The following RCAN3 variants were observed in gnomAD, a reference collection of about 807,000 sequenced individuals.
RCAN3 encodes the protein regulator of calcineurin 3.
A neutral mutation model predicts 21.9 loss-of-function variants in RCAN3; 19 were observed. The observed-to-expected ratio is 0.87, with a 90% CI of 0.61 to 1.27. The LOEUF is 1.27. RCAN3 is among the 50% of genes most tolerant of loss of function. The pLI, the probability that RCAN3 is intolerant of heterozygous loss-of-function variation, is 0.00. For missense variants in RCAN3, 240 were observed against 300.1 expected, an observed-to-expected ratio of 0.80 and a Z score of 1.48; for synonymous variants, 114 against 112.3, an observed-to-expected ratio of 1.01 and a Z score of -0.09.
At chr1:24,505,450 G>C (rs1647370213) in intron 1 of RCAN3, among the ~76,000 whole-genome samples, 1 of 151,586 alleles carries the variant, frequency 6.6e-6, no homozygotes, top group South Asian at 2.1e-4. Context: ...CTCGAACTCT[G>C]GAGCTCTGGC....
intron 2 of RCAN3, among the ~76,000 whole-genome samples, chr1:24,520,731 T>C (rs1042016480): frequency 2.0e-5 from 3 of 151,756 alleles, no homozygotes; most frequent in Non-Finnish European, 4.4e-5. Flanking sequence ...TACCTAATGC[T>C]AAATGACGAG....
In RCAN3 at chr1:24,535,280, C is replaced by G. The variant is rs777362864; in HGVS notation, c.*3C>G. The G allele has an allele frequency of 1.3e-6, 2 of 1,531,056 alleles. No individual in the cohort carries two copies. The highest frequency in any genetic ancestry group is 4.7e-5 in the Admixed American group (2 of 42,620). The allele number at this position is 1,531,056 out of a possible 1,614,324, so 94.8% of individuals were successfully genotyped here. A position where few individuals can be genotyped will look rare whatever the true frequency, so the allele number is the denominator to read the frequency against. ...AGACCTTTGATTGCGCGCTGTGAGG[C>G]CCTTGGTTGTGGTGCGAGGCGGCTG... On this transcript the variant is annotated 3_prime_UTR_variant, in exon 5 of 5. Transcript: ENST00000374395.
At chr1:24,516,486 C>G (rs1036083177) in intron 2 of RCAN3, among the ~76,000 whole-genome samples, 15 of 151,974 alleles carry the variant, frequency 9.9e-5, no homozygotes, top group Admixed American at 6.6e-5. Context: ...GAGAAAAGAG[C>G]TGAATCGGGA....
At position 24,537,130 on chromosome 1, in the gene RCAN3, A is replaced by T. The variant is rs1650278800; in HGVS notation, c.*1853A>T. 6.6e-6 allele frequency: 1 copy of T among 152,120 alleles called. No individual in the cohort carries two copies. The highest frequency in any genetic ancestry group is 3.2e-3 in the Middle Eastern group (1 of 316). 9.4% of individuals were successfully genotyped at this position (152,120 alleles called of 1,614,324 possible). ...CTTTTAGGTAATATTGATTCACTGT[A>T]ATTTTCTAAGTGATCAAAACCCATG... On this transcript the variant is annotated 3_prime_UTR_variant, in exon 5 of 5. Coordinates refer to ENST00000374395, the MANE Select transcript of RCAN3 (RefSeq NM_013441.4).
In RCAN3 at chr1:24,539,940, G is replaced by A. The variant is rs1471842722; in HGVS notation, c.*4663G>A. 6.6e-6 allele frequency: 1 copy of A among 152,174 alleles called. No homozygotes were observed. Among genetic ancestry groups the A allele is most frequent in the Non-Finnish European group, 1.5e-5 (1 of 68,028 alleles). 9.4% of individuals were successfully genotyped at this position (152,174 alleles called of 1,614,324 possible). On this transcript the variant is annotated 3_prime_UTR_variant, in exon 5 of 5. Coordinates refer to ENST00000374395, the MANE Select transcript of RCAN3 (RefSeq NM_013441.4). ...TAAAGGAACAAAAGATGGGGCAATA[G>A]TTGCTTCCTAGCTGGAGCTGTAAGT...
intron 1 of RCAN3, among the ~76,000 whole-genome samples, chr1:24,513,503 CA>C (rs1039040652): frequency 2.0e-5 from 3 of 151,690 alleles, no homozygotes; most frequent in African/African-American, 7.2e-5. Flanking sequence ...CCATCTCTAC[CA>C]AAAAAATATA....
intron 2 of RCAN3, among the ~76,000 whole-genome samples, chr1:24,530,664 T>G (rs1210973731): frequency 6.6e-6 from 1 of 152,188 alleles, no homozygotes; most frequent in Non-Finnish European, 1.5e-5. Context: ...TATCTTGCAT[T>G]CATTTTATAA....
At chr1:24,529,457 G>A (rs1252191410) in intron 2 of RCAN3, among the ~76,000 whole-genome samples, 1 of 150,312 alleles carries the variant, frequency 6.7e-6, no homozygotes, top group African/African-American at 2.4e-5. Flanking sequence ...GCTGAAGTAG[G>A]GGCGGGTGGC....
Position 24,540,378 on chromosome 1 carries a change from A to G in RCAN3, c.*5101A>G, listed in dbSNP as rs1440842238. The G allele has an allele frequency of 6.6e-6, 1 of 152,276 alleles. No homozygotes were observed. Among genetic ancestry groups the G allele is most frequent in the Non-Finnish European group, 1.5e-5 (1 of 68,036 alleles). The allele number at this position is 152,276 out of a possible 1,614,324, so 9.4% of individuals were successfully genotyped here. A position where few individuals can be genotyped will look rare whatever the true frequency, so the allele number is the denominator to read the frequency against. On this transcript the variant is annotated 3_prime_UTR_variant, in exon 5 of 5. Transcript: ENST00000374395. ...ATATATTTCCTTTTGAAACAGAATCATATCCTGCAGACTCTTGGCACTCCT... is the reference window on the plus strand; with the variant it reads ...ATATATTTCCTTTTGAAACAGAATCGTATCCTGCAGACTCTTGGCACTCCT...
Position 24,505,242 on chromosome 1 carries a change from T to C in RCAN3, c.-60+2092T>C, listed in dbSNP as rs1203383781. 5.6e-5 allele frequency among the ~76,000 whole-genome samples: 8 copies of C among 143,178 alleles called. No homozygotes were observed. In the East Asian group the frequency reaches 1.6e-3, roughly 28 times the overall value. The allele number at this position is 143,178 out of a possible 152,430, so 93.9% of individuals were successfully genotyped here. The stretch of plus-strand genomic sequence containing the variant: ...TTTTTTCTCTTTTTTCTTTTTTTTT[T>C]TTTTTTTTTTTCTTTTTTTTGAGAT... On this transcript the variant is annotated intron_variant, in intron 1 of 4. Transcript: ENST00000374395.
At chr1:24,505,232 CT>C (rs796980559) in intron 1 of RCAN3, among the ~76,000 whole-genome samples, 1,495 of 65,712 alleles carry the variant, frequency 0.023, 6 homozygotes, top group African/African-American at 0.055. Flanking sequence ...TCTCTTTTTT[CT>C]TTTTTTTTTT....
chr1:24,520,748 G>A (rs1000592465), intron 2 of RCAN3, among the ~76,000 whole-genome samples: 2 of 151,226 alleles, frequency 1.3e-5, no homozygotes, highest in African/African-American at 2.4e-5. Flanking sequence ...CGAGTTAATG[G>A]GTGCAGCACA....
intron 1 of RCAN3, among the ~76,000 whole-genome samples, chr1:24,507,294 G>T (rs1647517721): frequency 6.6e-6 from 1 of 152,122 alleles, no homozygotes; most frequent in Non-Finnish European, 1.5e-5. Context: ...GGCTTTGTGT[G>T]GAATGCTCCC....
At chr1:24,528,609 C>T (rs186964050) in intron 2 of RCAN3, among the ~76,000 whole-genome samples, 222 of 152,188 alleles carry the variant, frequency 1.5e-3, no homozygotes, top group African/African-American at 5.0e-3. Context: ...ATCTGGAAGA[C>T]GAAGAGGGTC....
rs1051051438 is a variant in RCAN3, at chr1:24,539,615, G to A, written c.*4338G>A. The A allele has an allele frequency of 7.2e-5, 11 of 152,184 alleles. No individual in the cohort carries two copies. The highest frequency in any genetic ancestry group is 1.9e-4 in the East Asian group (1 of 5,200). 9.4% of individuals were successfully genotyped at this position (152,184 alleles called of 1,614,324 possible). On this transcript the variant is annotated 3_prime_UTR_variant, in exon 5 of 5. Coordinates refer to ENST00000374395, the MANE Select transcript of RCAN3 (RefSeq NM_013441.4). ...TGTAAAATTGAGTTCTATTCAAGAC[G>A]GAACTGCTATGACTGGCCTATTCAA...
chr1:24,515,950 C>G (rs1263639983), intron 2 of RCAN3, among the ~76,000 whole-genome samples: 4 of 152,158 alleles, frequency 2.6e-5, no homozygotes, highest in Non-Finnish European at 4.4e-5. Flanking sequence ...CCAGACCAGC[C>G]TGACCAACAT....
At chr1:24,523,648 A>ATATATTT (rs113786883) in intron 2 of RCAN3, among the ~76,000 whole-genome samples, 3 of 139,798 alleles carry the variant, frequency 2.1e-5, no homozygotes, top group African/African-American at 9.3e-5. Flanking sequence ...ACACATATAT[A>ATATATTT]TTTTTTTTCT....
At chr1:24,521,380 G>A (rs1349016182) in intron 2 of RCAN3, among the ~76,000 whole-genome samples, 3 of 152,036 alleles carry the variant, frequency 2.0e-5, no homozygotes, top group East Asian at 1.9e-4. Context: ...GCCTGGAAAC[G>A]TAGTGAGACC....
At chr1:24,518,934 C>T (rs1374908331) in intron 2 of RCAN3, among the ~76,000 whole-genome samples, 3 of 151,990 alleles carry the variant, frequency 2.0e-5, no homozygotes, top group African/African-American at 4.8e-5. Context: ...CCACCATGCT[C>T]GGCTAATTTT....
Sources: allele counts gnomAD v4.1 joint callset (sites outside exome capture counted in the v4.1 genomes callset), GRCh38; gene constraint gnomAD v4.1.1; transcripts MANE v1.5; gene names NCBI Gene and HGNC (gene_info 2026-07-23, HGNC 2026-07-21).